The following CTNNA3 variants were observed in gnomAD, a reference collection of about 807,000 sequenced individuals.
CTNNA3 encodes the protein catenin alpha 3, also known as catenin alpha-3.
In CTNNA3, 76 loss-of-function variants were observed where a neutral mutation model predicts 95.7. The observed-to-expected ratio is 0.79, with a 90% CI of 0.66 to 0.96. CTNNA3 has a LOEUF of 0.96. Among genes scored for constraint, CTNNA3 ranks in the 40% least tolerant of loss-of-function variants. CTNNA3 has a pLI of 0.00. For missense variants in CTNNA3, 1,191 were observed against 1,089.8 expected (o/e 1.09, Z -1.31); for synonymous variants, 431 against 374.4 (o/e 1.15, Z -1.74).
intron 11 of CTNNA3, among the ~76,000 whole-genome samples, chr10:66,435,675 T>G (rs889330093): frequency 2.0e-5 from 3 of 152,184 alleles, no homozygotes; most frequent in Non-Finnish European, 4.4e-5. Context: ...TGTCTCTATC[T>G]CCTTCAGTTC....
intron 9 of CTNNA3, among the ~76,000 whole-genome samples, chr10:66,623,592 T>C (rs1844827612): frequency 6.6e-6 from 1 of 152,100 alleles, no homozygotes; most frequent in Admixed American, 6.5e-5. Context: ...GAAAGTTGTG[T>C]TTTCTACTCA....
intron 2 of CTNNA3, among the ~76,000 whole-genome samples, chr10:67,645,727 G>GA (rs992936902): frequency 9.2e-5 from 14 of 151,500 alleles, no homozygotes; most frequent in Middle Eastern, 3.4e-3. Context: ...TTTATAATAG[G>GA]AAAAAAATAG....
chr10:66,926,189 G>A, intron 7 of CTNNA3: 1 of 458,212 alleles, frequency 2.2e-6, no homozygotes, highest in South Asian at 1.6e-5. Context: ...TACAGATGTG[G>A]CAGCTCAGGT....
intron 5 of CTNNA3, among the ~76,000 whole-genome samples, chr10:67,489,831 A>G (rs1848586386): frequency 1.3e-5 from 2 of 149,424 alleles, no homozygotes; most frequent in Non-Finnish European, 2.9e-5. Context: ...GTGTATATAC[A>G]TATATTCATT....
intron 1 of CTNNA3, among the ~76,000 whole-genome samples, chr10:67,730,039 C>T (rs761562580): frequency 2.4e-4 from 37 of 152,122 alleles, no homozygotes; most frequent in Middle Eastern, 3.4e-3. Context: ...ATAAATAATC[C>T]TGAATGCTAA....
chr10:67,569,608 G>A (rs540753982), intron 3 of CTNNA3, among the ~76,000 whole-genome samples: 133 of 152,230 alleles, frequency 8.7e-4, no homozygotes, highest in Admixed American at 4.4e-3. Flanking sequence ...GCACCACAGC[G>A]TAGCCATTTC....
intron 1 of CTNNA3, among the ~76,000 whole-genome samples, chr10:67,724,011 C>A (rs574525267): frequency 6.6e-6 from 1 of 152,126 alleles, no homozygotes; most frequent in African/African-American, 2.4e-5. Context: ...AGAACTCTAA[C>A]GGACATTCAA....
At chr10:65,966,818 G>C in intron 16 of CTNNA3, 72 bp from the exon 17 acceptor site, 1 of 1,175,442 alleles carries the variant, frequency 8.5e-7, no homozygotes. Context: ...AGTAAATACA[G>C]TATTCACATG....
intron 2 of CTNNA3, among the ~76,000 whole-genome samples, chr10:67,609,105 A>C (rs900417700): frequency 1.4e-4 from 21 of 151,806 alleles, no homozygotes; most frequent in Non-Finnish European, 3.1e-4. Flanking sequence ...AAAAAAAAAA[A>C]AAAAACAACC....
intron 5 of CTNNA3, 44 bp from the exon 6 acceptor site, chr10:67,219,914 G>A: frequency 2.7e-6 from 4 of 1,461,594 alleles, no homozygotes; most frequent in Middle Eastern, 2.2e-4. Context: ...AATGGGTTAT[G>A]GGAGAAAGAC....
chr10:66,734,890 A>G (rs2132676635), intron 9 of CTNNA3, among the ~76,000 whole-genome samples: 1 of 149,328 alleles, frequency 6.7e-6, no homozygotes, highest in East Asian at 2.0e-4. Flanking sequence ...AAAAAAAAAG[A>G]AATTTTATTA....
intron 9 of CTNNA3, among the ~76,000 whole-genome samples, chr10:66,747,638 G>A (rs1437090348): frequency 6.6e-6 from 1 of 152,106 alleles, no homozygotes; most frequent in Non-Finnish European, 1.5e-5. Context: ...ACAAATTCCA[G>A]AAATTACATG....
At chr10:65,980,722 TA>T (rs1014905610) in intron 16 of CTNNA3, among the ~76,000 whole-genome samples, 10 of 151,664 alleles carry the variant, frequency 6.6e-5, no homozygotes, top group African/African-American at 2.4e-4. Flanking sequence ...ACACACCACA[TA>T]AAAAAATTTT....
At chr10:66,922,433 CTA>C (rs1365155625) in intron 7 of CTNNA3, among the ~76,000 whole-genome samples, 4 of 152,328 alleles carry the variant, frequency 2.6e-5, no homozygotes, top group East Asian at 3.9e-4. Context: ...AGGGACTACT[CTA>C]TGTCTTTGCA....
intron 12 of CTNNA3, among the ~76,000 whole-genome samples, chr10:66,361,724 G>A (rs10997088): frequency 0.36 from 54,682 of 151,222 alleles, 11,302 homozygotes; most frequent in Non-Finnish European, 0.47. Context: ...TTTCTGTAGA[G>A]ATGAGATCTC....
At chr10:66,785,755 T>C (rs543718624) in intron 7 of CTNNA3, among the ~76,000 whole-genome samples, 12 of 152,230 alleles carry the variant, frequency 7.9e-5, no homozygotes, top group African/African-American at 2.6e-4. Context: ...CCATAATAAA[T>C]CTCCTCTTAT....
chr10:66,947,778 T>G (rs1848348191), intron 7 of CTNNA3, among the ~76,000 whole-genome samples: 1 of 152,164 alleles, frequency 6.6e-6, no homozygotes, highest in Non-Finnish European at 1.5e-5. Context: ...AAGAAAAAAT[T>G]TTAATCACTG....
chr10:67,157,951 A>C (rs1425350741), intron 7 of CTNNA3, among the ~76,000 whole-genome samples: 7 of 152,214 alleles, frequency 4.6e-5, no homozygotes, highest in Non-Finnish European at 1.0e-4. Flanking sequence ...TACCACAAAA[A>C]AAGCAGTTAT....
At chr10:66,457,415 G>C (rs1340155287) in intron 11 of CTNNA3, among the ~76,000 whole-genome samples, 2 of 152,052 alleles carry the variant, frequency 1.3e-5, no homozygotes, top group African/African-American at 4.8e-5. Context: ...AGGCTGGTGA[G>C]AATGTGCAGT....
Sources: gnomAD v4.1 joint callset for allele counts (sites outside exome capture counted in the v4.1 genomes callset) on GRCh38, gnomAD v4.1.1 for gene constraint, MANE v1.5 for transcripts, NCBI Gene and HGNC (gene_info 2026-07-23, HGNC 2026-07-21) for gene names.